Variants in VCAN observed in about 807,000 individuals in gnomAD.
VCAN encodes versican, also known as versican core protein.
A neutral mutation model predicts 245.5 loss-of-function variants in VCAN; 44 were observed. The ratio of observed to expected loss-of-function variants is 0.18; its 90% CI spans 0.14 to 0.23. The LOEUF is 0.23. Ranked by LOEUF, VCAN falls within the 10% of genes least tolerant of loss-of-function variation. The probability of loss-of-function intolerance (pLI) is 1.00; values close to 1 mark genes in which losing one functional copy is unlikely to be tolerated. For missense variants in VCAN, 3,793 were observed against 4,057.9 expected (o/e 0.93, Z 1.77); for synonymous variants, 1,413 against 1,437.0 (o/e 0.98, Z 0.38).
chr5:83,484,480 T>C (rs1223205019), intron 2 of VCAN, among the ~76,000 whole-genome samples: 2 of 151,066 alleles, frequency 1.3e-5, no homozygotes, highest in Admixed American at 6.6e-5. Context: ...TATCAACATC[T>C]ATCCATGTAT....
At chr5:83,494,017 G>A (rs1259395293) in intron 5 of VCAN, 86 bp downstream of exon 5, 21 of 1,599,724 alleles carry the variant, frequency 1.3e-5, no homozygotes, top group Admixed American at 6.7e-5. Flanking sequence ...GCAAGTCTTC[G>A]TGCTTGTTTG....
intron 12 of VCAN, among the ~76,000 whole-genome samples, chr5:83,566,726 G>A (rs2112491112): frequency 6.6e-6 from 1 of 152,294 alleles, no homozygotes; most frequent in South Asian, 2.1e-4. Flanking sequence ...CACTCTCTGA[G>A]GGTTAAGGAT....
chr5:83,488,576 A>G (rs1183698473), intron 2 of VCAN, among the ~76,000 whole-genome samples: 1 of 152,220 alleles, frequency 6.6e-6, no homozygotes, highest in East Asian at 1.9e-4. Flanking sequence ...TAAGCCAAGG[A>G]GGCCATTAAA....
chr5:83,515,219 T>C (rs1335753955), intron 6 of VCAN, among the ~76,000 whole-genome samples: 2 of 152,258 alleles, frequency 1.3e-5, no homozygotes, highest in Admixed American at 1.3e-4. Flanking sequence ...TATTTAGTTT[T>C]TTACTTCAGA....
Position 83,561,336 on chromosome 5 carries a change from C to A in VCAN, c.9735+6298C>A, listed in dbSNP as rs543033491. 4.6e-5 allele frequency among the ~76,000 whole-genome samples: 7 copies of A among 152,000 alleles called. No individual in the cohort carries two copies. The South Asian group carries it at 1.5e-3, about 32-fold the overall frequency. On this transcript the variant is annotated intron_variant, in intron 12 of 14. Transcript: ENST00000265077. ...AAATATCTTATTTTCTAGCTCTAAC[C>A]AACTCATCTTGCTATGATAGTTGTG...
rs530264197 is a variant in VCAN, at chr5:83,540,188, A to C, written c.7185A>C (p.Thr2395=). 51 of 1,614,024 alleles carry C rather than the reference A, an allele frequency of 3.2e-5. 1 individual carries two copies. The South Asian group carries it at 5.3e-4, about 17-fold the overall frequency. ...CAACAGCAGAAATTAACGAAACAAC[A>C]ACCTCATCTACTGATTTTCTGGCTA... ...NSSTAEINET[T]TSSTDFLARA... Residue 2395 remains threonine (T), a synonymous_variant, in exon 8 of 15, where the codon ACA becomes ACC. Coordinates refer to ENST00000265077, the MANE Select transcript of VCAN (RefSeq NM_004385.5).
rs747981537 is a variant in VCAN, at chr5:83,537,379, C to T, written c.4376C>T (p.Thr1459Met). ...SDTHPFVIAK[T>M]ELSTAVQPNE... ...ACTCATCCATTTGTAATAGCCAAAA[C>T]GGAATTGTCTACTGCTGTGCAACCT... The change falls in exon 8 of 15, where the codon ACG becomes ATG. Residue 1459 changes from threonine to methionine, a missense_variant. Physicochemically the swap from Thr to Met is moderately conservative, Grantham distance 81 (BLOSUM62 -1). Transcript: ENST00000265077. 4.4e-5 allele frequency: 71 copies of T among 1,613,830 alleles called. No homozygotes were observed. The highest frequency in any genetic ancestry group is 1.6e-4 in the Middle Eastern group (1 of 6,084).
At chr5:83,576,007 C>T (rs1159641317) in intron 13 of VCAN, among the ~76,000 whole-genome samples, 2 of 152,128 alleles carry the variant, frequency 1.3e-5, no homozygotes, top group African/African-American at 4.8e-5. Flanking sequence ...ATACCCTTTT[C>T]TCTTTTTAGA....
At chr5:83,557,422 G>C (rs911576958) in intron 12 of VCAN, among the ~76,000 whole-genome samples, 11 of 152,064 alleles carry the variant, frequency 7.2e-5, no homozygotes, top group Non-Finnish European at 1.6e-4. Flanking sequence ...CTGTGTGCTT[G>C]GTTAAAGAGA....
chr5:83,541,661 A>G lies in VCAN; in HGVS notation c.8658A>G (p.Ile2886Met). Reference protein sequence around the residue: ...FKPSSEEYLHITEPPSLSPDT... With the variant: ...FKPSSEEYLHMTEPPSLSPDT... ...CATCAAGTGAGGAATACCTTCACATAACTGAGCCTCCCTCTTTATCTCCTG... is the reference window on the plus strand; with the variant it reads ...CATCAAGTGAGGAATACCTTCACATGACTGAGCCTCCCTCTTTATCTCCTG... Residue 2886 changes from isoleucine to methionine, a missense_variant, in exon 8 of 15, where the codon ATA becomes ATG. By Grantham distance (10) the Ile-to-Met change is conservative. Coordinates refer to ENST00000265077, the MANE Select transcript of VCAN (RefSeq NM_004385.5). 1.2e-6 allele frequency: 2 copies of G among 1,613,922 alleles called. No individual in the cohort carries two copies. Among genetic ancestry groups the G allele is most frequent in the Non-Finnish European group, 1.7e-6 (2 of 1,180,000 alleles).
At chr5:83,490,567 T>TTTGGGGG in intron 3 of VCAN, 95 bp downstream of exon 3, 1 of 1,565,570 alleles carries the variant, frequency 6.4e-7, no homozygotes. Context: ...TTGTTTGGGG[T>TTTGGGGG]TTGGATGAGC....
intron 12 of VCAN, among the ~76,000 whole-genome samples, chr5:83,558,190 C>T (rs181854994): frequency 1.7e-4 from 26 of 152,262 alleles, no homozygotes; most frequent in Non-Finnish European, 4.4e-5. Flanking sequence ...TTTCTACAGT[C>T]ACCATCCCCT....
rs775405712 is a variant in VCAN at position 83,519,576 on chromosome 5, C to T, written c.1270C>T (p.Pro424Ser). Residue 424 changes from proline (P) to serine (S), a missense_variant, in exon 7 of 15, where the codon CCC becomes TCC. By Grantham distance (74) the Pro-to-Ser change is moderately conservative. Transcript: ENST00000265077. ...AITDSLATKLPTPTGSTKKPW... is the reference protein window; with the variant it reads ...AITDSLATKLSTPTGSTKKPW... ...CACAGATAGTTTAGCCACCAAATTA[C>T]CCACACCTACTGGCAGTACCAAGAA... 10 of 1,614,024 alleles carry T rather than the reference C, an allele frequency of 6.2e-6. No homozygotes were observed. The East Asian group carries it at 1.8e-4, about 29-fold the overall frequency.
At chr5:83,568,805 A>G (rs1489648086) in intron 12 of VCAN, among the ~76,000 whole-genome samples, 1 of 152,184 alleles carries the variant, frequency 6.6e-6, no homozygotes, top group Non-Finnish European at 1.5e-5. Flanking sequence ...AAGAATATAT[A>G]GAATAAAATA....
intron 12 of VCAN, among the ~76,000 whole-genome samples, chr5:83,571,235 T>A (rs576883400): frequency 3.2e-4 from 49 of 152,302 alleles, no homozygotes; most frequent in African/African-American, 1.1e-3. Flanking sequence ...AACTGGTCTC[T>A]TATTTATAGG....
At chr5:83,482,798 A>G (rs1744655866) in intron 1 of VCAN, among the ~76,000 whole-genome samples, 1 of 152,246 alleles carries the variant, frequency 6.6e-6, no homozygotes, top group Non-Finnish European at 1.5e-5. Context: ...TTGACTCAGT[A>G]CAGGGTATTT....
chr5:83,474,956 C>T (rs1744334439), intron 1 of VCAN, among the ~76,000 whole-genome samples: 1 of 152,152 alleles, frequency 6.6e-6, no homozygotes, highest in African/African-American at 2.4e-5. Context: ...TCCAAGCAAA[C>T]TTTTTGTCAG....
intron 1 of VCAN, among the ~76,000 whole-genome samples, chr5:83,478,770 C>T (rs1406406155): frequency 2.0e-5 from 3 of 152,114 alleles, no homozygotes; most frequent in African/African-American, 7.2e-5. Flanking sequence ...CAAATATTTA[C>T]TGAGTGTTCT....
intron 5 of VCAN, among the ~76,000 whole-genome samples, chr5:83,505,748 T>C (rs543339466): frequency 6.6e-6 from 1 of 152,352 alleles, no homozygotes; most frequent in Admixed American, 6.5e-5. Flanking sequence ...ATTTCCCTTC[T>C]GCACTGCCCT....
Sources: allele counts gnomAD v4.1 joint callset (sites outside exome capture counted in the v4.1 genomes callset), GRCh38; gene constraint gnomAD v4.1.1; transcripts MANE v1.5; gene names NCBI Gene and HGNC (gene_info 2026-07-23, HGNC 2026-07-21).